RAB3C: variants seen among roughly 807,000 people sequenced by gnomAD.
RAB3C encodes the protein ras-related protein Rab-3C.
RAB3C carries 17 observed loss-of-function variants against 26.4 expected under a neutral mutation model. The ratio of observed to expected loss-of-function variants is 0.64; its 90% CI spans 0.44 to 0.97. The LOEUF is 0.97. RAB3C is among the 50% of genes least tolerant of loss of function. The pLI, the probability that RAB3C is intolerant of heterozygous loss-of-function variation, is 0.00. For missense variants in RAB3C, 242 were observed against 281.9 expected (o/e 0.86, Z 1.01); for synonymous variants, 91 against 95.9 (o/e 0.95, Z 0.30).
At chr5:58,681,865 A>G (rs1471113297) in intron 2 of RAB3C, among the ~76,000 whole-genome samples, 2 of 152,238 alleles carry the variant, frequency 1.3e-5, no homozygotes, top group African/African-American at 4.8e-5. Context: ...TTAGGAAAAT[A>G]AGTTAATGAA....
chr5:58,603,618 A>G (rs1307538359), intron 1 of RAB3C, among the ~76,000 whole-genome samples: 1 of 152,104 alleles, frequency 6.6e-6, no homozygotes, highest in Non-Finnish European at 1.5e-5. Flanking sequence ...TTTCCTGAGC[A>G]TTTCACATTT....
intron 1 of RAB3C, among the ~76,000 whole-genome samples, chr5:58,610,174 A>G (rs879103954): frequency 9.6e-6 from 1 of 103,966 alleles, no homozygotes; most frequent in Admixed American, 1.0e-4. Flanking sequence ...AGCTGTCAGA[A>G]AAAAATGATT....
intron 2 of RAB3C, among the ~76,000 whole-genome samples, chr5:58,655,826 C>T (rs754418623): frequency 7.9e-6 from 1 of 126,060 alleles, no homozygotes; most frequent in African/African-American, 3.1e-5. Flanking sequence ...GACGGAGTCT[C>T]GCTCTGTCAC....
intron 3 of RAB3C, among the ~76,000 whole-genome samples, chr5:58,813,592 TTATATATATATA>T (rs869039335): frequency 0.044 from 2,108 of 47,698 alleles, 62 homozygotes; most frequent in African/African-American, 0.13. Context: ...ATATTTATAT[TTATATATATATA>T]TATATATATA....
chr5:58,842,212 C>G (rs1743890783), intron 4 of RAB3C, among the ~76,000 whole-genome samples: 1 of 152,148 alleles, frequency 6.6e-6, no homozygotes. Flanking sequence ...AAAGAGAAGT[C>G]TTACCCTCCA....
At chr5:58,792,666 AC>A (rs1467295144) in intron 3 of RAB3C, among the ~76,000 whole-genome samples, 1 of 151,984 alleles carries the variant, frequency 6.6e-6, no homozygotes, top group Admixed American at 6.6e-5. Context: ...TTTCCCAACA[AC>A]CCTTCCTATA....
At chr5:58,782,438 C>T (rs1353620550) in intron 3 of RAB3C, among the ~76,000 whole-genome samples, 1 of 152,102 alleles carries the variant, frequency 6.6e-6, no homozygotes, top group African/African-American at 2.4e-5. Context: ...ACACCTTGTA[C>T]ACAGTATTTA....
chr5:58,744,107 A>C (rs1044857223), intron 3 of RAB3C, among the ~76,000 whole-genome samples: 1 of 152,182 alleles, frequency 6.6e-6, no homozygotes, highest in Non-Finnish European at 1.5e-5. Flanking sequence ...GTTTGGGCCA[A>C]AAGGATTCAT....
At chr5:58,731,493 T>C (rs776177081) in intron 3 of RAB3C, among the ~76,000 whole-genome samples, 18 of 152,082 alleles carry the variant, frequency 1.2e-4, no homozygotes, top group Non-Finnish European at 2.1e-4. Flanking sequence ...TGTCATTCCT[T>C]TGAAACAGAG....
chr5:58,628,291 AAAAC>A (rs2111743082), intron 2 of RAB3C, among the ~76,000 whole-genome samples: 1 of 152,312 alleles, frequency 6.6e-6, no homozygotes, highest in East Asian at 1.9e-4. Context: ...GTTTTGGAGA[AAAAC>A]AAAGAGGATA....
At chr5:58,798,667 G>A (rs552422601) in intron 3 of RAB3C, among the ~76,000 whole-genome samples, 3 of 152,290 alleles carry the variant, frequency 2.0e-5, no homozygotes, top group African/African-American at 4.8e-5. Flanking sequence ...AGTATGAAAC[G>A]TAAATGAATT....
At chr5:58,725,395 G>A (rs999571241) in intron 2 of RAB3C, among the ~76,000 whole-genome samples, 7 of 151,738 alleles carry the variant, frequency 4.6e-5, no homozygotes, top group Non-Finnish European at 1.0e-4. Context: ...ACTATTATAA[G>A]TCTTGGGGTA....
At chr5:58,593,891 G>A (rs1323982759) in intron 1 of RAB3C, among the ~76,000 whole-genome samples, 2 of 152,134 alleles carry the variant, frequency 1.3e-5, no homozygotes, top group Non-Finnish European at 2.9e-5. Context: ...TGGTTGGCTT[G>A]GGGATAGTAT....
chr5:58,780,189 C>T (rs1056636968), intron 3 of RAB3C, among the ~76,000 whole-genome samples: 1 of 151,996 alleles, frequency 6.6e-6, no homozygotes, highest in African/African-American at 2.4e-5. Context: ...AATAGCAAGG[C>T]CTGTATTGGT....
intron 1 of RAB3C, among the ~76,000 whole-genome samples, chr5:58,606,300 A>ACAGCAGTC (rs1746568572): frequency 6.6e-6 from 1 of 152,176 alleles, no homozygotes; most frequent in Admixed American, 6.5e-5. Flanking sequence ...CACTGATAGC[A>ACAGCAGTC]CAGCAGTCTG....
At chr5:58,748,151 A>T (rs1741438247) in intron 3 of RAB3C, among the ~76,000 whole-genome samples, 1 of 151,812 alleles carries the variant, frequency 6.6e-6, no homozygotes, top group Non-Finnish European at 1.5e-5. Flanking sequence ...TAAAAGGCAC[A>T]TAAGCCATTC....
Position 58,737,036 on chromosome 5 carries a change from A to C in RAB3C, c.371+10916A>C, listed in dbSNP as rs554363341. ...CCTGGATTAATGCCAAAGCCATTACAATAGCCTACCAGACCCCGTACAATT... is the reference window on the plus strand; with the variant it reads ...CCTGGATTAATGCCAAAGCCATTACCATAGCCTACCAGACCCCGTACAATT... On this transcript the variant is annotated intron_variant, in intron 3 of 4. Coordinates refer to ENST00000282878, the MANE Select transcript of RAB3C (RefSeq NM_138453.4). 3.3e-5 allele frequency among the ~76,000 whole-genome samples: 5 copies of C among 152,178 alleles called. No individual in the cohort carries two copies. The South Asian group carries it at 8.3e-4, about 25-fold the overall frequency.
chr5:58,737,394 AATATATATATAT>A (rs55691242), intron 3 of RAB3C, among the ~76,000 whole-genome samples: 1,210 of 37,958 alleles, frequency 0.032, 14 homozygotes, highest in Non-Finnish European at 0.037. Flanking sequence ...CACCCTATGA[AATATATATATAT>A]ATATATATAT....
At chr5:58,664,204 C>G (rs1473252363) in intron 2 of RAB3C, among the ~76,000 whole-genome samples, 1 of 152,110 alleles carries the variant, frequency 6.6e-6, no homozygotes, top group Non-Finnish European at 1.5e-5. Flanking sequence ...TTAATAGCTT[C>G]AAACTGGAAA....
Sources: gnomAD v4.1 joint callset for allele counts (sites outside exome capture counted in the v4.1 genomes callset) on GRCh38, gnomAD v4.1.1 for gene constraint, MANE v1.5 for transcripts, NCBI Gene and HGNC (gene_info 2026-07-23, HGNC 2026-07-21) for gene names.